TMEM123: variants seen among roughly 807,000 people sequenced by gnomAD.
TMEM123 encodes the protein transmembrane protein 123, also known as porimin.
TMEM123 carries 16 observed loss-of-function variants against 19.7 expected under a neutral mutation model. The ratio of observed to expected loss-of-function variants is 0.81; its 90% CI spans 0.55 to 1.23. The LOEUF (loss-of-function observed/expected upper bound fraction) is 1.23, where lower values mean the gene tolerates loss of function less well. Ranked by LOEUF, TMEM123 falls within the 50% of genes most tolerant of loss-of-function variation. TMEM123 has a pLI of 0.00. For synonymous variants in TMEM123, 118 were observed against 99.4 expected (o/e 1.19, Z -1.12); for missense variants, 313 against 257.8 (o/e 1.21, Z -1.47).
Position 102,429,670 on chromosome 11 carries a change from T to C in TMEM123, c.157+19142A>G, listed in dbSNP as rs939669851. ...TGCAAAAGTAAACTCCTGACAATCA[T>C]AGCATTCTACCAAGCAAATGTTTGA... On this transcript the variant is annotated intron_variant, in intron 2 of 4. Transcript: ENST00000398136. 3.3e-5 allele frequency among the ~76,000 whole-genome samples: 5 copies of C among 152,190 alleles called. 1 individual carries two copies. Among genetic ancestry groups the C allele is most frequent in the Non-Finnish European group, 2.9e-5 (2 of 68,034 alleles).
chr11:102,449,662 A>C (rs1369214589), intron 1 of TMEM123, among the ~76,000 whole-genome samples: 1 of 152,220 alleles, frequency 6.6e-6, no homozygotes, highest in Non-Finnish European at 1.5e-5. Flanking sequence ...TGGGACTATC[A>C]TCTATTTATC....
chr11:102,428,764 T>G (rs578259235), intron 2 of TMEM123, among the ~76,000 whole-genome samples: 1 of 152,114 alleles, frequency 6.6e-6, no homozygotes, highest in African/African-American at 2.4e-5. Context: ...CCAATTTAAG[T>G]GGTACATTTT....
chr11:102,441,130 A>T (rs1369392967), intron 2 of TMEM123, among the ~76,000 whole-genome samples: 2 of 152,208 alleles, frequency 1.3e-5, no homozygotes, highest in African/African-American at 4.8e-5. Flanking sequence ...CATTAGACAG[A>T]TCAACCAGAC....
At chr11:102,431,989 G>C (rs1857715593) in intron 2 of TMEM123, among the ~76,000 whole-genome samples, 1 of 152,126 alleles carries the variant, frequency 6.6e-6, no homozygotes, top group South Asian at 2.1e-4. Context: ...GCCTTCCCTA[G>C]CCATGTGGAA....
At chr11:102,416,918 A>G (rs1440853327) in intron 2 of TMEM123, among the ~76,000 whole-genome samples, 1 of 152,214 alleles carries the variant, frequency 6.6e-6, no homozygotes, top group Non-Finnish European at 1.5e-5. Context: ...AAACAAAGAA[A>G]AGGCTTTTAA....
Position 102,398,612 on chromosome 11 carries a change from G to C in TMEM123, c.*255C>G. 2.0e-6 allele frequency: 1 copy of C among 499,672 alleles called. No individual in the cohort carries two copies. Among genetic ancestry groups the C allele is most frequent in the Non-Finnish European group, 3.4e-6 (1 of 290,496 alleles). 31.0% of individuals were successfully genotyped at this position (499,672 alleles called of 1,614,324 possible). A position where few individuals can be genotyped will look rare whatever the true frequency, so the allele number is the denominator to read the frequency against. On this transcript the variant is annotated 3_prime_UTR_variant, in exon 5 of 5. Coordinates refer to ENST00000398136, the MANE Select transcript of TMEM123 (RefSeq NM_052932.3). ...CACCCCAGCCAAAAAAAAAAAGATA[G>C]GACTTGTTTGTCTTACTATGAACTT...
chr11:102,399,005 A>C (rs183080309), intron 4 of TMEM123, 114 bp from the exon 5 acceptor site: 1 of 952,422 alleles, frequency 1.0e-6, no homozygotes, highest in Non-Finnish European at 1.6e-6. Flanking sequence ...CACAATCAAA[A>C]TGGTCAGTGT....
rs1394977140 is a variant in TMEM123 at position 102,397,956 on chromosome 11, A to G, written c.*911T>C. ...TCAATTAAAAATTTCTAGATATTGA[A>G]AGCAGCTCTACAGTTCTTAAAATAT... On this transcript the variant is annotated 3_prime_UTR_variant, in exon 5 of 5. Transcript: ENST00000398136. 1 of 152,216 alleles carries G rather than the reference A, an allele frequency of 6.6e-6. No individual in the cohort carries two copies. The highest frequency in any genetic ancestry group is 1.5e-5 in the Non-Finnish European group (1 of 68,022). 9.4% of individuals were successfully genotyped at this position (152,216 alleles called of 1,614,324 possible). A position where few individuals can be genotyped will look rare whatever the true frequency, so the allele number is the denominator to read the frequency against.
At chr11:102,444,417 C>A (rs1344592639) in intron 2 of TMEM123, among the ~76,000 whole-genome samples, 1 of 151,748 alleles carries the variant, frequency 6.6e-6, no homozygotes, top group South Asian at 2.1e-4. Context: ...AAGCTGGAAA[C>A]CATCATTCTC....
chr11:102,448,907 TTAAC>T (rs1430257176), intron 1 of TMEM123, 39 bp from the exon 2 acceptor site: 1 of 1,599,530 alleles, frequency 6.3e-7, no homozygotes. Context: ...GAAAGAACAT[TTAAC>T]TAAGAATACT....
At chr11:102,447,769 A>G (rs1362611725) in intron 2 of TMEM123, among the ~76,000 whole-genome samples, 2 of 152,214 alleles carry the variant, frequency 1.3e-5, no homozygotes, top group East Asian at 3.8e-4. Flanking sequence ...TACTAAAACT[A>G]GAATTAAAGT....
At chr11:102,433,650 G>A (rs1857734655) in intron 2 of TMEM123, among the ~76,000 whole-genome samples, 1 of 151,724 alleles carries the variant, frequency 6.6e-6, no homozygotes, top group South Asian at 2.1e-4. Context: ...GATTTGGGAG[G>A]GGCCAGTGGT....
At chr11:102,444,954 G>A (rs996298018) in intron 2 of TMEM123, among the ~76,000 whole-genome samples, 1 of 151,480 alleles carries the variant, frequency 6.6e-6, no homozygotes, top group Non-Finnish European at 1.5e-5. Context: ...TCACTCATAG[G>A]TGAGAACTGA....
intron 2 of TMEM123, among the ~76,000 whole-genome samples, chr11:102,432,927 G>C (rs1438216164): frequency 6.8e-6 from 1 of 147,762 alleles, no homozygotes; most frequent in African/African-American, 2.4e-5. Flanking sequence ...GTAGTGTTGA[G>C]CCTGTGGGTG....
chr11:102,414,321 G>A (rs1952027467), intron 2 of TMEM123, among the ~76,000 whole-genome samples: 1 of 152,108 alleles, frequency 6.6e-6, no homozygotes, highest in Non-Finnish European at 1.5e-5. Context: ...CACTAAAGAG[G>A]TCAACTTTCA....
At chr11:102,448,737 C>T in intron 2 of TMEM123, 75 bp downstream of exon 2, 2 of 1,457,808 alleles carry the variant, frequency 1.4e-6, no homozygotes, top group Admixed American at 1.7e-5. Flanking sequence ...CAGCTTATGC[C>T]TACTTCCCTG....
chr11:102,421,801 T>G lies in TMEM123; in HGVS notation c.158-19595A>C, dbSNP rs138662906. ...AATATTGAACATATGCTGTGTGCAG[T>G]CACCATGCTAGATGCTTTTCATATT... On this transcript the variant is annotated intron_variant, in intron 2 of 4. Coordinates refer to ENST00000398136, the MANE Select transcript of TMEM123 (RefSeq NM_052932.3). 8.9e-3 allele frequency among the ~76,000 whole-genome samples: 1,350 copies of G among 152,282 alleles called. 29 individuals are homozygous for G. The highest frequency in any genetic ancestry group is 0.03 in the African/African-American group (1,267 of 41,542).
At chr11:102,445,057 TA>T (rs1163231873) in intron 2 of TMEM123, among the ~76,000 whole-genome samples, 4 of 151,756 alleles carry the variant, frequency 2.6e-5, no homozygotes, top group Non-Finnish European at 5.9e-5. Flanking sequence ...CATGAGGAGA[TA>T]ATACCTAATG....
chr11:102,422,402 AG>A (rs1487402829), intron 2 of TMEM123, among the ~76,000 whole-genome samples: 5 of 152,178 alleles, frequency 3.3e-5, no homozygotes, highest in African/African-American at 1.2e-4. Flanking sequence ...TGAACCTGGC[AG>A]GGGGAGGTTG....
Sources: gnomAD v4.1 joint callset for allele counts (sites outside exome capture counted in the v4.1 genomes callset) on GRCh38, gnomAD v4.1.1 for gene constraint, MANE v1.5 for transcripts, NCBI Gene and HGNC (gene_info 2026-07-23, HGNC 2026-07-21) for gene names.